The following CDH3 variants were observed in gnomAD, a reference collection of about 807,000 sequenced individuals.
The protein encoded by CDH3 is cadherin-3.
In CDH3, 54 loss-of-function variants were observed where a neutral mutation model predicts 82.0. The ratio of observed to expected loss-of-function variants is 0.66; its 90% confidence interval spans 0.53 to 0.83. The LOEUF is 0.83. Ranked by LOEUF, CDH3 falls within the 40% of genes least tolerant of loss-of-function variation. CDH3 has a pLI of 0.00. For synonymous variants in CDH3, 446 were observed against 437.9 expected (o/e 1.02, Z -0.23); for missense variants, 1,054 against 1,084.6 (o/e 0.97, Z 0.40).
chr16:68,705,429 T>C (rs531100408), intron 1 of CDH3, among the ~76,000 whole-genome samples: 5 of 151,842 alleles, frequency 3.3e-5, no homozygotes. Flanking sequence ...AAGACACTGG[T>C]TTTTTTTTGG....
At chr16:68,667,781 G>C (rs963701861) in intron 2 of CDH3, among the ~76,000 whole-genome samples, 35 of 152,192 alleles carry the variant, frequency 2.3e-4, no homozygotes, top group African/African-American at 8.4e-4. Context: ...GGCCAGGCTT[G>C]GCAGGATGAT....
At chr16:68,680,068 C>A in intron 7 of CDH3, 94 bp downstream of exon 7, 1 of 1,261,812 alleles carries the variant, frequency 7.9e-7, no homozygotes, top group Non-Finnish European at 1.2e-6. Flanking sequence ...GCCCACAAAG[C>A]CCAAGGCAGA....
chr16:68,708,997 T>A (rs1449020501), intron 1 of CDH3, among the ~76,000 whole-genome samples: 1 of 152,172 alleles, frequency 6.6e-6, no homozygotes, highest in Non-Finnish European at 1.5e-5. Context: ...CAGACTGGTC[T>A]CAAACTCCTG....
chr16:68,698,453 A>T lies in CDH3; in HGVS notation c.*53A>T. The stretch of plus-strand genomic sequence containing the variant: ...AACGTCAGGCCACAGAGCATCTCCA[A>T]GGGGTCTCAGTTCCCCCTTCAGCTG... On this transcript the variant is annotated 3_prime_UTR_variant, in exon 16 of 16. Transcript: ENST00000264012. The T allele has an allele frequency of 1.3e-6, 2 of 1,530,546 alleles. No homozygotes were observed. The highest frequency in any genetic ancestry group is 1.8e-6 in the Non-Finnish European group (2 of 1,105,752). 94.8% of individuals were successfully genotyped at this position (1,530,546 alleles called of 1,614,324 possible). A position where few individuals can be genotyped will look rare whatever the true frequency, so the allele number is the denominator to read the frequency against.
Position 68,707,579 on chromosome 16 carries a change from G to A in CDH3, c.99+11656G>A, listed in dbSNP as rs943173231. 2.6e-5 allele frequency among the ~76,000 whole-genome samples: 4 copies of A among 152,158 alleles called. No individual in the cohort carries two copies. The highest frequency in any genetic ancestry group is 9.7e-5 in the African/African-American group (4 of 41,436). ...TGTAGTCTGGTAGGGCGGTGGCTAA[G>A]ACAGCAGCCCCTAAAGGCTGCAGAT... On this transcript the variant is annotated intron_variant, in intron 1 of 2. Transcript: ENST00000569080. This position sits in a 1 kb window ranked among gnomAD's most constrained non-coding sequence, Gnocchi z 4.5.
At chr16:68,676,889 G>A (rs898917421) in intron 3 of CDH3, among the ~76,000 whole-genome samples, 1 of 151,948 alleles carries the variant, frequency 6.6e-6, no homozygotes, top group Non-Finnish European at 1.5e-5. Flanking sequence ...TTTAATTTTT[G>A]AATAGCTAAT....
chr16:68,730,449 C>G (rs931928613), downstream of CDH3, among the ~76,000 whole-genome samples: 1 of 151,880 alleles, frequency 6.6e-6, no homozygotes, highest in Non-Finnish European at 1.5e-5. Context: ...TTGCTTGAAC[C>G]CAGGAGACGG....
At chr16:68,682,883 C>T (rs1450455305) in intron 9 of CDH3, among the ~76,000 whole-genome samples, 1 of 152,160 alleles carries the variant, frequency 6.6e-6, no homozygotes, top group Non-Finnish European at 1.5e-5. Context: ...ACACTCTTGC[C>T]TCTCAAAAAG....
At chr16:68,713,704 G>A (rs1326833429) in intron 1 of CDH3, among the ~76,000 whole-genome samples, 1 of 152,014 alleles carries the variant, frequency 6.6e-6, no homozygotes, top group Non-Finnish European at 1.5e-5. Flanking sequence ...GTCATTGGAC[G>A]CCCTTCAAAT....
intron 15 of CDH3, among the ~76,000 whole-genome samples, chr16:68,697,782 T>TTAAA (rs1961773570): frequency 1.3e-5 from 2 of 152,148 alleles, no homozygotes; most frequent in African/African-American, 4.8e-5. Flanking sequence ...ATCTGTTCCT[T>TTAAA]TAAAACTATA....
intron 2 of CDH3, among the ~76,000 whole-genome samples, chr16:68,650,459 G>A (rs945002048): frequency 6.6e-6 from 1 of 152,020 alleles, no homozygotes; most frequent in Non-Finnish European, 1.5e-5. Context: ...GCGCCACAAC[G>A]CCTGGCTAAT....
intron 2 of CDH3, among the ~76,000 whole-genome samples, chr16:68,654,468 C>G (rs1314673300): frequency 8.2e-6 from 1 of 121,936 alleles, no homozygotes; most frequent in African/African-American, 3.3e-5. Flanking sequence ...TTTGGGAGGC[C>G]GAGGCAGGCG....
Position 68,695,368 on chromosome 16 carries a change from G to A in CDH3, c.2116G>A (p.Gly706Ser), listed in dbSNP as rs1284406451. The change falls in exon 14 of 16, where the codon GGT (glycine) becomes AGT (serine). Residue 706 changes from glycine to serine, a missense_variant. By Grantham distance (56) the Gly-to-Ser change is moderately conservative. Coordinates refer to ENST00000264012, the MANE Select transcript of CDH3 (RefSeq NM_001793.6). ...CGTCTTCTACTATGGCGAAGAGGGGGGTGGCGAAGAGGACCAGGTGGGGCA... is the reference window on the plus strand; with the variant it reads ...CGTCTTCTACTATGGCGAAGAGGGGAGTGGCGAAGAGGACCAGGTGGGGCA... ...DNVFYYGEEG[G>S]GEEDQDYDIT... 2 of 1,612,620 alleles carry A rather than the reference G, an allele frequency of 1.2e-6. No homozygotes were observed. Among genetic ancestry groups the A allele is most frequent in the African/African-American group, 2.7e-5 (2 of 75,040 alleles).
At chr16:68,676,505 A>C in intron 3 of CDH3, 35 bp downstream of exon 3, 1 of 1,537,780 alleles carries the variant, frequency 6.5e-7, no homozygotes, top group Non-Finnish European at 9.0e-7. Context: ...GACAAAAGAA[A>C]GATGTTCTCT....
At chr16:68,711,807 C>A (rs992723363) in intron 1 of CDH3, among the ~76,000 whole-genome samples, 1 of 152,098 alleles carries the variant, frequency 6.6e-6, no homozygotes, top group African/African-American at 2.4e-5. Context: ...AGCAGAGGAA[C>A]CCTGCTTGTG....
rs201034719 is a variant in CDH3 at position 68,698,262 on chromosome 16, C to T, written c.2352C>T (p.Gly784=). Residue 784 remains glycine, a synonymous_variant, in exon 16 of 16, where the codon GGC becomes GGT. Coordinates refer to ENST00000264012, the MANE Select transcript of CDH3 (RefSeq NM_001793.6). ...CCCTCTTGGTGTTCGACTATGAGGG[C>T]AGCGGCTCCGACGCCGCGTCCCTGA... The part of the protein sequence containing the change: ...YDTLLVFDYE[G]SGSDAASLSS... 2 of 1,614,240 alleles carry T rather than the reference C, an allele frequency of 1.2e-6. No homozygotes were observed. Among genetic ancestry groups the T allele is most frequent in the Non-Finnish European group, 1.7e-6 (2 of 1,180,038 alleles).
intron 2 of CDH3, among the ~76,000 whole-genome samples, chr16:68,663,168 G>A (rs1297649984): frequency 3.4e-5 from 5 of 149,056 alleles, no homozygotes; most frequent in Non-Finnish European, 7.4e-5. Context: ...TCCCCAGCCA[G>A]ATTGTTTTTT....
At position 68,669,824 on chromosome 16, in the gene CDH3, G is replaced by A. The variant is rs901739189; in HGVS notation, c.161-6561G>A. Among the ~76,000 whole-genome samples the A allele has an allele frequency of 2.0e-5, 3 of 152,034 alleles. No homozygotes were observed. In the South Asian group the frequency reaches 6.2e-4, roughly 32 times the overall value. ...TCCCTTAGGAAGAGGGCTGTTTTAGGATTGAGAAAAGTGGCCAGGCACAGT... is the reference window on the plus strand; with the variant it reads ...TCCCTTAGGAAGAGGGCTGTTTTAGAATTGAGAAAAGTGGCCAGGCACAGT... On this transcript the variant is annotated intron_variant, in intron 2 of 15. Coordinates refer to ENST00000264012, the MANE Select transcript of CDH3 (RefSeq NM_001793.6).
chr16:68,662,171 C>T (rs545238973), intron 2 of CDH3, among the ~76,000 whole-genome samples: 42 of 151,994 alleles, frequency 2.8e-4, no homozygotes, highest in Non-Finnish European at 5.0e-4. Flanking sequence ...TGTGTAAAAT[C>T]GGGATGGGAA....
Sources: gnomAD v4.1 joint callset for allele counts (sites outside exome capture counted in the v4.1 genomes callset) on GRCh38, gnomAD v4.1.1 for gene constraint, Gnocchi (gnomAD v3.1) non-coding constraint, MANE v1.5 for transcripts, NCBI Gene and HGNC (gene_info 2026-07-23, HGNC 2026-07-21) for gene names.